The following SLC6A17 variants were observed in gnomAD, a reference collection of about 807,000 sequenced individuals.
SLC6A17 encodes the protein sodium-dependent neutral amino acid transporter SLC6A17.
Under a neutral mutation model 64.5 loss-of-function variants are expected in SLC6A17, and 21 were observed. The ratio of observed to expected loss-of-function variants is 0.33; its 90% CI spans 0.23 to 0.47. The LOEUF (loss-of-function observed/expected upper bound fraction) is 0.47, where lower values mean the gene tolerates loss of function less well. Ranked by LOEUF, SLC6A17 falls within the 20% of genes least tolerant of loss-of-function variation. The pLI is 1.00. For missense variants in SLC6A17, 682 were observed against 963.2 expected (o/e 0.71, Z 3.86); for synonymous variants, 372 against 399.5 (o/e 0.93, Z 0.82).
chr1:110,188,107 C>T (rs552161286), intron 6 of SLC6A17, among the ~76,000 whole-genome samples: 7 of 152,224 alleles, frequency 4.6e-5, no homozygotes, highest in African/African-American at 1.7e-4. Flanking sequence ...TGCAGAAATA[C>T]TAACGTGTTT....
At chr1:110,197,326 C>T in intron 10 of SLC6A17, 111 bp from the exon 11 acceptor site, 1 of 1,396,936 alleles carries the variant, frequency 7.2e-7, no homozygotes, top group South Asian at 1.4e-5. Flanking sequence ...ATAGAAGAGC[C>T]CAGGAGGGAG....
chr1:110,170,012 C>T (rs1350199400), intron 2 of SLC6A17, among the ~76,000 whole-genome samples: 1 of 152,150 alleles, frequency 6.6e-6, no homozygotes, highest in Middle Eastern at 3.2e-3. Flanking sequence ...GGGGCCAGTA[C>T]CTTGTCTTTG....
At chr1:110,174,646 T>G in intron 4 of SLC6A17, 133 bp from the exon 5 acceptor site, 1 of 1,122,362 alleles carries the variant, frequency 8.9e-7, no homozygotes, top group Non-Finnish European at 1.3e-6. Context: ...TAACCCAAGA[T>G]GAGCACAGCC....
chr1:110,164,329 C>G (rs1319014756), intron 1 of SLC6A17, among the ~76,000 whole-genome samples: 1 of 152,244 alleles, frequency 6.6e-6, no homozygotes. Flanking sequence ...AGACAAGGCT[C>G]TGTTCAGGGT....
intron 10 of SLC6A17, among the ~76,000 whole-genome samples, chr1:110,196,750 A>C (rs1430229437): frequency 6.6e-6 from 1 of 152,218 alleles, no homozygotes; most frequent in Non-Finnish European, 1.5e-5. Context: ...ATCTAGCTAT[A>C]GATCTAATAA....
chr1:110,193,203 G>A (rs1656876984), intron 8 of SLC6A17, among the ~76,000 whole-genome samples: 1 of 152,212 alleles, frequency 6.6e-6, no homozygotes, highest in Non-Finnish European at 1.5e-5. Context: ...GTAAGTCAGA[G>A]AGGCAGTTAG....
chr1:110,154,490 G>C (rs1360594678), intron 1 of SLC6A17, among the ~76,000 whole-genome samples: 1 of 152,198 alleles, frequency 6.6e-6, no homozygotes, highest in African/African-American at 2.4e-5. Flanking sequence ...TTGGAAATTG[G>C]TGGAAAACAA....
intron 1 of SLC6A17, among the ~76,000 whole-genome samples, chr1:110,151,374 T>G (rs1447411700): frequency 1.3e-5 from 2 of 152,248 alleles, no homozygotes; most frequent in East Asian, 3.8e-4. Context: ...GAAGCAGAAC[T>G]GTCACGCCCG....
At chr1:110,173,637 C>T (rs932569215) in intron 3 of SLC6A17, among the ~76,000 whole-genome samples, 2 of 152,184 alleles carry the variant, frequency 1.3e-5, no homozygotes, top group African/African-American at 2.4e-5. Context: ...TCATTACAAT[C>T]CCCAGTCATC....
chr1:110,185,638 A>C (rs2100941249), intron 6 of SLC6A17, among the ~76,000 whole-genome samples: 1 of 152,288 alleles, frequency 6.6e-6, no homozygotes, highest in East Asian at 1.9e-4. Context: ...GCCTTTTCTG[A>C]GGGAAAAGCC....
chr1:110,155,207 C>G (rs1348600063), intron 1 of SLC6A17, among the ~76,000 whole-genome samples: 1 of 152,154 alleles, frequency 6.6e-6, no homozygotes, highest in African/African-American at 2.4e-5. Flanking sequence ...TCCCAGAAAC[C>G]CTTGCTTCAT....
At chr1:110,195,876 G>A in intron 10 of SLC6A17, 131 bp downstream of exon 10, 1 of 1,334,596 alleles carries the variant, frequency 7.5e-7, no homozygotes, top group Non-Finnish European at 1.0e-6. Context: ...GGGAAACTGA[G>A]GTGTAGTGCA....
rs151152223 is a variant in SLC6A17 at position 110,192,686 on chromosome 1, C to T, written c.1287C>T (p.Asp429=). The change falls in exon 8 of 12, where the codon GAC becomes GAT. Residue 429 remains aspartate, a synonymous_variant. Transcript: ENST00000331565. The surrounding 1 kb of genome is among the most constrained non-coding windows in gnomAD (Gnocchi z 4.3). ...ALGLDPCLLE[D]ELDKSVQGTG... ...GCCTTGACCCCTGCCTTCTGGAGGA[C>T]GAGCTGGACAAGGTGCGGGGACAGG... 87 of 1,613,118 alleles carry T rather than the reference C, an allele frequency of 5.4e-5. 1 individual carries two copies. Among genetic ancestry groups the T allele is most frequent in the East Asian group, 5.1e-4 (23 of 44,846 alleles).
Position 110,200,417 on chromosome 1 carries a change from A to T in SLC6A17, c.*1973A>T. On this transcript the variant is annotated 3_prime_UTR_variant, in exon 12 of 12. Coordinates refer to ENST00000331565, the MANE Select transcript of SLC6A17 (RefSeq NM_001010898.4). Reference sequence around the variant, plus strand: ...CCTACCTGGCCCCTTGCCAAATCCCAAGCAGAATTAGCAACAGGAAAAGCA... The same window carrying T: ...CCTACCTGGCCCCTTGCCAAATCCCTAGCAGAATTAGCAACAGGAAAAGCA... 3.7e-6 allele frequency: 1 copy of T among 269,996 alleles called. No individual in the cohort carries two copies. Among genetic ancestry groups the T allele is most frequent in the Non-Finnish European group, 6.9e-6 (1 of 144,856 alleles). 16.7% of individuals were successfully genotyped at this position (269,996 alleles called of 1,614,324 possible).
At chr1:110,174,657 C>T in intron 4 of SLC6A17, 122 bp from the exon 5 acceptor site, 1 of 1,239,946 alleles carries the variant, frequency 8.1e-7, no homozygotes, top group Admixed American at 2.3e-5. Context: ...GAGCACAGCC[C>T]CTCCCAGCTG....
chr1:110,160,472 A>G (rs1655877291), intron 1 of SLC6A17, among the ~76,000 whole-genome samples: 1 of 152,258 alleles, frequency 6.6e-6, no homozygotes, highest in African/African-American at 2.4e-5. Context: ...CTGGTTGGGT[A>G]GGAAGCAGTG....
At position 110,193,163 on chromosome 1, in the gene SLC6A17, A is replaced by T. The variant is rs144979243; in HGVS notation, c.1299+465A>T. Among the ~76,000 whole-genome samples, 9 of 152,230 alleles carry T rather than the reference A, an allele frequency of 5.9e-5. No homozygotes were observed. The East Asian group carries it at 1.7e-3, about 29-fold the overall frequency. ...ACCTTACAGATGAGTAGCCTATGAGATGGGGGGCTTGATCAAGGTCTCATA... is the reference window on the plus strand; with the variant it reads ...ACCTTACAGATGAGTAGCCTATGAGTTGGGGGGCTTGATCAAGGTCTCATA... On this transcript the variant is annotated intron_variant, in intron 8 of 11. Coordinates refer to ENST00000331565, the MANE Select transcript of SLC6A17 (RefSeq NM_001010898.4).
chr1:110,184,015 C>T (rs531603660), intron 6 of SLC6A17, among the ~76,000 whole-genome samples: 3 of 152,206 alleles, frequency 2.0e-5, no homozygotes, highest in South Asian at 2.1e-4. Flanking sequence ...CCAACACTTC[C>T]GCAACTCCAA....
At chr1:110,169,618 C>G (rs572739988) in intron 2 of SLC6A17, among the ~76,000 whole-genome samples, 1 of 151,956 alleles carries the variant, frequency 6.6e-6, no homozygotes, top group Non-Finnish European at 1.5e-5. Flanking sequence ...GAATACTGAC[C>G]GAGGCATAGA....
Sources: gnomAD v4.1 joint callset for allele counts (sites outside exome capture counted in the v4.1 genomes callset) on GRCh38, gnomAD v4.1.1 for gene constraint, Gnocchi (gnomAD v3.1) non-coding constraint, MANE v1.5 for transcripts, NCBI Gene and HGNC (gene_info 2026-07-23, HGNC 2026-07-21) for gene names.